KANK2: variants seen among roughly 807,000 people sequenced by gnomAD.
KANK2 encodes the protein KN motif and ankyrin repeat domains 2, also known as KN motif and ankyrin repeat domain-containing protein 2.
Under a neutral mutation model 74.6 loss-of-function variants are expected in KANK2, and 41 were observed. The ratio of observed to expected loss-of-function variants is 0.55; its 90% CI spans 0.43 to 0.71. KANK2 has a LOEUF of 0.71. Among genes scored for constraint, KANK2 ranks in the 30% least tolerant of loss-of-function variants. KANK2 has a pLI of 0.00. For synonymous variants in KANK2, 537 were observed against 519.0 expected (o/e 1.03, Z -0.47); for missense variants, 1,148 against 1,196.4 (o/e 0.96, Z 0.60).
In KANK2 at chr19:11,176,763, G is replaced by A. The variant is rs537308224; in HGVS notation, c.1575C>T (p.Asp525=). The change falls in exon 7 of 13, where the codon GAC becomes GAT. Residue 525 remains aspartate, a synonymous_variant. Transcript: ENST00000586659. ...GCTCTGGGGCCTCGTTCTCTGTGCT[G>A]TCGTTGTCTGAGATGTTCTCTGCTG... ...SSTAENISDN[D]STENEAPEPR... is the part of the protein sequence containing the mutation. The A allele has an allele frequency of 1.8e-5, 28 of 1,599,606 alleles. No individual in the cohort carries two copies. Among genetic ancestry groups the A allele is most frequent in the Admixed American group, 3.5e-5 (2 of 57,928 alleles).
Position 11,178,332 on chromosome 19 carries a change from C to T in KANK2, c.1520+13G>A, listed in dbSNP as rs1368709297. 4 of 1,488,322 alleles carry T rather than the reference C, an allele frequency of 2.7e-6. No individual in the cohort carries two copies. Among genetic ancestry groups the T allele is most frequent in the Non-Finnish European group, 3.6e-6 (4 of 1,124,628 alleles). The allele number at this position is 1,488,322 out of a possible 1,614,324, so 92.2% of individuals were successfully genotyped here. A position where few individuals can be genotyped will look rare whatever the true frequency, so the allele number is the denominator to read the frequency against. ...GGAAGTATGGGGTGGGGGGTGGGGTCTTCTCCTCTCACCCGCCGTTGACCC... is the reference window on the plus strand; with the variant it reads ...GGAAGTATGGGGTGGGGGGTGGGGTTTTCTCCTCTCACCCGCCGTTGACCC... On this transcript the variant is annotated intron_variant, in intron 6 of 12. Coordinates refer to ENST00000586659, the MANE Select transcript of KANK2 (RefSeq NM_001136191.3).
chr19:11,197,289 G>A (rs2079048889), intron 1 of KANK2, 196 bp downstream of exon 1: 1 of 150,476 alleles, frequency 6.6e-6, no homozygotes. Flanking sequence ...AGGGGGCAGG[G>A]ACGCGGGGAC....
At chr19:11,174,365 TC>T (rs764744719) in intron 9 of KANK2, 107 bp downstream of exon 9, 14 of 901,474 alleles carry the variant, frequency 1.6e-5, no homozygotes, top group Non-Finnish European at 2.3e-5. Context: ...CCGCGTCTCC[TC>T]CATCATCTTC....
rs2078433990 is a variant in KANK2 at position 11,179,029 on chromosome 19, G to C, written c.1250-309C>G. On this transcript the variant is annotated intron_variant, in intron 4 of 12. Transcript: ENST00000586659. ...GAGCCTGAGTGATCGCTAAAAATAA[G>C]GTTTGGCCGGGCACGGTGACTCATG... Among the ~76,000 whole-genome samples the C allele has an allele frequency of 1.3e-5, 2 of 152,160 alleles. 1 individual carries two copies. The highest frequency in any genetic ancestry group is 4.1e-4 in the South Asian group (2 of 4,832).
intron 4 of KANK2, among the ~76,000 whole-genome samples, chr19:11,186,398 AAAAG>A (rs201276044): frequency 0.052 from 7,775 of 149,920 alleles, 658 homozygotes; most frequent in African/African-American, 0.18. Flanking sequence ...AACAAATAAA[AAAAG>A]AAAGAAAGAA....
chr19:11,182,703 C>T (rs1311516228), intron 4 of KANK2, among the ~76,000 whole-genome samples: 1 of 150,374 alleles, frequency 6.7e-6, no homozygotes, highest in Non-Finnish European at 1.5e-5. Flanking sequence ...ATTAGGAAGG[C>T]ATGGTGGCAC....
At chr19:11,182,527 A>T (rs1254085426) in intron 4 of KANK2, among the ~76,000 whole-genome samples, 2 of 135,366 alleles carry the variant, frequency 1.5e-5, no homozygotes, top group African/African-American at 2.7e-5. Context: ...CCCTATCTTT[A>T]AAAAAAAAAA....
rs200345643 is a variant in KANK2 at position 11,175,970 on chromosome 19, G to A, written c.1780C>T (p.Leu594Phe). Residue 594 changes from leucine to phenylalanine, a missense_variant, in exon 8 of 13, where the codon CTC (leucine) becomes TTC (phenylalanine). Leu to Phe is a conservative substitution (Grantham distance 22). Transcript: ENST00000586659. ...TCCAGGGCCAAGCAGGCTGAGATGAGGTCAGGGCTTAGCTCCATCCTGCCA... is the reference window on the plus strand; with the variant it reads ...TCCAGGGCCAAGCAGGCTGAGATGAAGTCAGGGCTTAGCTCCATCCTGCCA... Reference protein sequence around the residue: ...EEIRMELSPDLISACLALEKY... With the variant: ...EEIRMELSPDFISACLALEKY... The A allele has an allele frequency of 9.3e-6, 15 of 1,613,758 alleles. No individual in the cohort carries two copies. The Admixed American group carries it at 1.5e-4, about 16-fold the overall frequency.
intron 10 of KANK2, among the ~76,000 whole-genome samples, chr19:11,171,108 G>C (rs2078161753): frequency 6.6e-6 from 1 of 152,190 alleles, no homozygotes; most frequent in Non-Finnish European, 1.5e-5. Flanking sequence ...CAGCCTAAAA[G>C]GGTTAATTCT....
chr19:11,195,174 T>C (rs924225693), intron 2 of KANK2: 1 of 152,146 alleles, frequency 6.6e-6, no homozygotes, highest in African/African-American at 2.4e-5. Context: ...CTTTCCCCTT[T>C]ATGGAAACAA....
intron 6 of KANK2, among the ~76,000 whole-genome samples, 163 bp downstream of exon 6, chr19:11,178,182 A>T (rs1364107052): frequency 6.6e-6 from 1 of 152,144 alleles, no homozygotes; most frequent in Non-Finnish European, 1.5e-5. Context: ...AAATGCGCTT[A>T]GCCTTCCTAT....
rs1242621545 is a variant in KANK2 at position 11,174,576 on chromosome 19, C to A, written c.1965G>T (p.Leu655=). ...LVTFRAMSAR[L]LDYVVNIADS... ...CGGCGATGTTGACCACGTAGTCCAG[C>A]AGCCGCGCAGACATGGCCCGGAACG... is the stretch of plus-strand genomic sequence containing the variant. Residue 655 remains leucine, a synonymous_variant, in exon 9 of 13, where the codon CTG becomes CTT. Transcript: ENST00000586659. 6.2e-7 allele frequency: 1 copy of A among 1,613,376 alleles called. No individual in the cohort carries two copies. The highest frequency in any genetic ancestry group is 1.1e-5 in the South Asian group (1 of 91,006).
At chr19:11,176,841 G>T in intron 6 of KANK2, 24 bp from the exon 7 acceptor site, 1 of 1,494,086 alleles carries the variant, frequency 6.7e-7, no homozygotes, top group Non-Finnish European at 8.9e-7. Flanking sequence ...AGCGGGGAGG[G>T]GGAGATGCTG....
rs915546315 is a variant in KANK2 at position 11,170,743 on chromosome 19, A to G, written c.2212-495T>C. Reference sequence around the variant, plus strand: ...GTAGCTGAGACTACAGGCATGCGCCACAATGCCTGGCTAATTTTTGTATCT... The same window carrying G: ...GTAGCTGAGACTACAGGCATGCGCCGCAATGCCTGGCTAATTTTTGTATCT... On this transcript the variant is annotated intron_variant, in intron 10 of 12. Coordinates refer to ENST00000586659, the MANE Select transcript of KANK2 (RefSeq NM_001136191.3). The surrounding 1 kb of genome is among the most constrained non-coding windows in gnomAD (Gnocchi z 5.2). Among the ~76,000 whole-genome samples, 1 of 152,178 alleles carries G rather than the reference A, an allele frequency of 6.6e-6. No homozygotes were observed. The highest frequency in any genetic ancestry group is 1.5e-5 in the Non-Finnish European group (1 of 68,030).
chr19:11,187,708 C>A (rs1157556370), intron 4 of KANK2, among the ~76,000 whole-genome samples: 2 of 152,176 alleles, frequency 1.3e-5, no homozygotes, highest in Non-Finnish European at 2.9e-5. Flanking sequence ...GCTTTTGCAA[C>A]TGCAAAATGA....
chr19:11,192,831 C>A lies in KANK2; in HGVS notation c.1249G>T (p.Gly417Cys). ...CCCCTGCCTGCCTGCGACCGCTTAC[C>A]TGCTGCTCCATCGCAGCTTCGCTCT... ...ITERSCDGAA[G>C]LPEVPAESSS... Residue 417 changes from glycine (G) to cysteine (C), a missense_variant and splice_region_variant, in exon 4 of 13, where the codon GGC becomes TGC. Gly to Cys is a radical substitution (Grantham distance 159). Transcript: ENST00000586659. 1 of 1,608,548 alleles carries A rather than the reference C, an allele frequency of 6.2e-7. No homozygotes were observed. The highest frequency in any genetic ancestry group is 8.5e-7 in the Non-Finnish European group (1 of 1,177,328).
intron 4 of KANK2, among the ~76,000 whole-genome samples, chr19:11,186,086 A>T (rs796113766): frequency 2.0e-5 from 3 of 152,026 alleles, no homozygotes; most frequent in Non-Finnish European, 4.4e-5. Flanking sequence ...TCAGATGGAT[A>T]AAAAAAATTA....
At position 11,178,739 on chromosome 19, in the gene KANK2, A is replaced by G; in HGVS notation, c.1250-19T>C. The G allele has an allele frequency of 6.6e-7, 1 of 1,508,360 alleles. No homozygotes were observed. The highest frequency in any genetic ancestry group is 8.8e-7 in the Non-Finnish European group (1 of 1,132,676). The allele number at this position is 1,508,360 out of a possible 1,614,324, so 93.4% of individuals were successfully genotyped here. On this transcript the variant is annotated intron_variant, in intron 4 of 12. Coordinates refer to ENST00000586659, the MANE Select transcript of KANK2 (RefSeq NM_001136191.3). ...GGGAGGCCTGGAGGGACAGGAAATG[A>G]GTGTCTGCTCTTGGTCATAAAAGCC...
At chr19:11,176,033 C>T (rs372858729) in intron 7 of KANK2, 44 bp from the exon 8 acceptor site, 76 of 1,486,120 alleles carry the variant, frequency 5.1e-5, no homozygotes, top group Non-Finnish European at 6.1e-5. Context: ...AGCCCCGCTG[C>T]GGTGCCTGGG....
Sources: gnomAD v4.1 joint callset for allele counts (sites outside exome capture counted in the v4.1 genomes callset) on GRCh38, gnomAD v4.1.1 for gene constraint, Gnocchi (gnomAD v3.1) non-coding constraint, MANE v1.5 for transcripts, NCBI Gene and HGNC (gene_info 2026-07-23, HGNC 2026-07-21) for gene names.